The following MARCHF1 variants were observed in gnomAD, a reference collection of about 807,000 sequenced individuals.
MARCHF1 encodes the protein membrane associated ring-CH-type finger 1.
Under a neutral mutation model 54.2 loss-of-function variants are expected in MARCHF1, and 40 were observed. The ratio of observed to expected loss-of-function variants is 0.74; its 90% CI spans 0.57 to 0.96. MARCHF1 has a LOEUF of 0.96. MARCHF1 is among the 40% of genes least tolerant of loss of function. The pLI is 0.00. For missense variants in MARCHF1, 586 were observed against 656.5 expected (o/e 0.89, Z 1.17); for synonymous variants, 236 against 236.3 (o/e 1.00, Z 0.01).
intron 4 of MARCHF1, among the ~76,000 whole-genome samples, chr4:163,760,584 T>C (rs1288326990): frequency 6.6e-6 from 1 of 152,172 alleles, no homozygotes; most frequent in African/African-American, 2.4e-5. Flanking sequence ...CAACATTTTC[T>C]AGTCATACAA....
chr4:163,732,130 AGAT>A (rs1437289091), intron 4 of MARCHF1, among the ~76,000 whole-genome samples: 1 of 151,860 alleles, frequency 6.6e-6, no homozygotes, highest in Non-Finnish European at 1.5e-5. Context: ...TAAATGACAC[AGAT>A]AATAGAATTA....
At chr4:164,083,181 G>C (rs995382941) in intron 2 of MARCHF1, among the ~76,000 whole-genome samples, 1 of 152,038 alleles carries the variant, frequency 6.6e-6, no homozygotes, top group African/African-American at 2.4e-5. Flanking sequence ...AACTGAAAAG[G>C]AGCTCAGATG....
chr4:164,155,294 A>G (rs1482973051), intron 1 of MARCHF1, among the ~76,000 whole-genome samples: 1 of 151,848 alleles, frequency 6.6e-6, no homozygotes, highest in African/African-American at 2.4e-5. Flanking sequence ...TCAATTGGAA[A>G]TCTCTTACCT....
chr4:164,093,566 C>T (rs1327772496), intron 2 of MARCHF1, among the ~76,000 whole-genome samples: 2 of 152,102 alleles, frequency 1.3e-5, no homozygotes, highest in Non-Finnish European at 2.9e-5. Context: ...TTCCCAGATT[C>T]TCTTGGTTAA....
chr4:163,594,319 TACTC>T (rs1178109967), intron 7 of MARCHF1, among the ~76,000 whole-genome samples: 7 of 151,982 alleles, frequency 4.6e-5, no homozygotes, highest in African/African-American at 1.7e-4. Flanking sequence ...TGAAAGTTCT[TACTC>T]CAACTAAATA....
At chr4:163,855,425 A>T (rs774384968) in intron 3 of MARCHF1, among the ~76,000 whole-genome samples, 3 of 152,184 alleles carry the variant, frequency 2.0e-5, no homozygotes, top group African/African-American at 4.8e-5. Flanking sequence ...TGATCTATTC[A>T]ATACAAAATC....
chr4:163,721,401 C>A (rs1745452968), intron 4 of MARCHF1, among the ~76,000 whole-genome samples: 1 of 152,062 alleles, frequency 6.6e-6, no homozygotes, highest in African/African-American at 2.4e-5. Context: ...GGTGGATAAG[C>A]TTTTTGATGT....
intron 2 of MARCHF1, among the ~76,000 whole-genome samples, chr4:164,107,382 AC>A (rs1240420259): frequency 7.9e-5 from 12 of 152,160 alleles, no homozygotes; most frequent in Admixed American, 5.2e-4. Context: ...AACTTTTAAG[AC>A]AGAATCTCAC....
chr4:163,997,214 G>A (rs1753093982), intron 2 of MARCHF1, among the ~76,000 whole-genome samples: 1 of 151,976 alleles, frequency 6.6e-6, no homozygotes, highest in Non-Finnish European at 1.5e-5. Context: ...ACCAGTGTTT[G>A]CATTTTATAA....
chr4:164,237,045 C>T (rs1220623536), intron 1 of MARCHF1, among the ~76,000 whole-genome samples: 32 of 152,116 alleles, frequency 2.1e-4, no homozygotes, highest in Non-Finnish European at 2.9e-5. Flanking sequence ...CAAATCCAAC[C>T]ACCTCTTTCA....
chr4:164,172,168 A>T (rs1013187706), intron 1 of MARCHF1, among the ~76,000 whole-genome samples: 6 of 152,312 alleles, frequency 3.9e-5, no homozygotes, highest in African/African-American at 1.4e-4. Flanking sequence ...GACATCATCT[A>T]TGTGACTTCA....
intron 4 of MARCHF1, among the ~76,000 whole-genome samples, chr4:163,760,392 C>T (rs1474944202): frequency 6.6e-6 from 1 of 152,174 alleles, no homozygotes; most frequent in Non-Finnish European, 1.5e-5. Flanking sequence ...AACACAGTCA[C>T]AAGTTTTACG....
intron 5 of MARCHF1, among the ~76,000 whole-genome samples, chr4:163,637,664 C>CG (rs1180982499): frequency 2.7e-5 from 4 of 150,012 alleles, no homozygotes; most frequent in Non-Finnish European, 4.5e-5. Context: ...ACTAGTTCAA[C>CG]CATTGTGGAA....
chr4:163,853,236 T>A (rs763521645), intron 4 of MARCHF1, among the ~76,000 whole-genome samples: 1 of 152,234 alleles, frequency 6.6e-6, no homozygotes, highest in Non-Finnish European at 1.5e-5. Flanking sequence ...TATTTACTTA[T>A]ATGTTCAACT....
At chr4:163,792,799 G>A (rs1183857097) in intron 4 of MARCHF1, among the ~76,000 whole-genome samples, 1 of 152,118 alleles carries the variant, frequency 6.6e-6, no homozygotes, top group East Asian at 1.9e-4. Context: ...CAGTTTTAAG[G>A]GAAAGTTAGA....
chr4:163,751,718 C>T (rs984627994), intron 4 of MARCHF1, among the ~76,000 whole-genome samples: 1 of 152,024 alleles, frequency 6.6e-6, no homozygotes, highest in Non-Finnish European at 1.5e-5. Flanking sequence ...ACATTCCTGA[C>T]TGAAAGACAC....
intron 3 of MARCHF1, among the ~76,000 whole-genome samples, chr4:163,865,675 A>ATG (rs1750031740): frequency 2.6e-5 from 4 of 151,798 alleles, no homozygotes; most frequent in African/African-American, 9.7e-5. Context: ...AATATTTAAT[A>ATG]TAAATATTTT....
chr4:163,733,446 CTTTTT>C (rs577218275), intron 4 of MARCHF1, among the ~76,000 whole-genome samples: 21 of 144,412 alleles, frequency 1.5e-4, no homozygotes, highest in African/African-American at 5.3e-4. Flanking sequence ...ATCTAGCCTT[CTTTTT>C]TTTTAATTTT....
chr4:163,635,822 G>A (rs1245361175), intron 5 of MARCHF1, among the ~76,000 whole-genome samples: 1 of 152,158 alleles, frequency 6.6e-6, no homozygotes, highest in Non-Finnish European at 1.5e-5. Flanking sequence ...TATCCCTGAT[G>A]AACATTGATG....
Sources: allele counts gnomAD v4.1 joint callset (sites outside exome capture counted in the v4.1 genomes callset), GRCh38; gene constraint gnomAD v4.1.1; transcripts MANE v1.5; gene names NCBI Gene and HGNC (gene_info 2026-07-23, HGNC 2026-07-21).